The following THADA variants were observed in gnomAD, a reference collection of about 807,000 sequenced individuals.
The protein encoded by THADA is THADA armadillo repeat containing, also known as tRNA (32-2'-O)-methyltransferase regulator THADA.
Under a neutral mutation model 219.8 loss-of-function variants are expected in THADA, and 213 were observed. The observed-to-expected ratio is 0.97, with a 90% CI of 0.87 to 1.09. The LOEUF (loss-of-function observed/expected upper bound fraction) is 1.09, where lower values mean the gene tolerates loss of function less well. Ranked by LOEUF, THADA falls within the 50% of genes least tolerant of loss-of-function variation. The pLI is 0.00. For missense variants in THADA, 2,956 were observed against 2,311.3 expected (o/e 1.28, Z -5.72); for synonymous variants, 1,018 against 828.9 (o/e 1.23, Z -3.92).
intron 25 of THADA, among the ~76,000 whole-genome samples, chr2:43,490,997 T>C (rs1394722835): frequency 1.3e-5 from 2 of 152,132 alleles, no homozygotes; most frequent in Non-Finnish European, 2.9e-5. Flanking sequence ...TAGAGCAAAA[T>C]AACTGGCATG....
chr2:43,337,553 A>C (rs1045081440), intron 30 of THADA, among the ~76,000 whole-genome samples: 1 of 152,198 alleles, frequency 6.6e-6, no homozygotes, highest in African/African-American at 2.4e-5. Context: ...GAGGTCTCTC[A>C]CGCACTGTTG....
At chr2:43,460,452 C>A (rs148101693) in intron 26 of THADA, among the ~76,000 whole-genome samples, 24 of 152,100 alleles carry the variant, frequency 1.6e-4, no homozygotes, top group Admixed American at 7.2e-4. Flanking sequence ...TCTCCACTAC[C>A]AAGTTGAAAA....
At chr2:43,527,255 C>G (rs1040120667) in intron 22 of THADA, among the ~76,000 whole-genome samples, 7 of 152,240 alleles carry the variant, frequency 4.6e-5, no homozygotes, top group African/African-American at 1.7e-4. Context: ...AGAACACTTG[C>G]CATGAACACT....
intron 29 of THADA, among the ~76,000 whole-genome samples, chr2:43,387,399 G>C (rs904451710): frequency 6.6e-6 from 1 of 152,176 alleles, no homozygotes; most frequent in Non-Finnish European, 1.5e-5. Flanking sequence ...TTTTCCAGTA[G>C]AAAGACAGAA....
intron 26 of THADA, among the ~76,000 whole-genome samples, chr2:43,479,104 T>TTAAAAGTAAGTTATATTTTTTAATATA (rs1685877594): frequency 1.3e-5 from 2 of 152,170 alleles, no homozygotes; most frequent in Admixed American, 1.3e-4. Context: ...ACTAGAGCTC[T>TTAAAAGTAAGTTATATTTTTTAATATA]TAACTTACTT....
chr2:43,527,922 A>G lies in THADA; in HGVS notation c.3331T>C (p.Leu1111=), dbSNP rs770355188. ...AGTTTCACAAAACCAGTATAAGCCA[A>G]TTCAAATGCTCCTCTGTGCCTGGAC... ...LQSRHRGAFE[L]AYTGFVKLTE... Residue 1111 remains leucine (L), a synonymous_variant, in exon 22 of 38, where the codon TTG becomes CTG. Transcript: ENST00000405975. 2 of 1,613,798 alleles carry G rather than the reference A, an allele frequency of 1.2e-6. No individual in the cohort carries two copies. Among genetic ancestry groups the G allele is most frequent in the South Asian group, 1.1e-5 (1 of 91,080 alleles).
intron 25 of THADA, among the ~76,000 whole-genome samples, chr2:43,488,340 C>T (rs1193914020): frequency 6.6e-6 from 1 of 152,184 alleles, no homozygotes; most frequent in Non-Finnish European, 1.5e-5. Context: ...AGTCGTCACT[C>T]CCTATTCTCC....
intron 29 of THADA, among the ~76,000 whole-genome samples, chr2:43,354,489 A>G (rs1668660187): frequency 6.6e-6 from 1 of 151,570 alleles, no homozygotes; most frequent in Non-Finnish European, 1.5e-5. Flanking sequence ...ATATTTTTGT[A>G]CCCATTAACT....
At chr2:43,523,770 T>G (rs1226896511) in intron 22 of THADA, among the ~76,000 whole-genome samples, 1 of 152,238 alleles carries the variant, frequency 6.6e-6, no homozygotes, top group Non-Finnish European at 1.5e-5. Context: ...GCAATAAATA[T>G]CTGTAGATTA....
intron 26 of THADA, among the ~76,000 whole-genome samples, chr2:43,477,137 C>A (rs1685645070): frequency 6.6e-6 from 1 of 152,164 alleles, no homozygotes; most frequent in Non-Finnish European, 1.5e-5. Context: ...GATATATCTA[C>A]TGCTCCTAAT....
intron 26 of THADA, among the ~76,000 whole-genome samples, chr2:43,437,102 T>C (rs1680219974): frequency 6.6e-6 from 1 of 152,208 alleles, no homozygotes; most frequent in East Asian, 1.9e-4. Flanking sequence ...TAAGAGTCAT[T>C]CAATTAAAAA....
chr2:43,590,837 T>A lies in THADA; in HGVS notation c.289A>T (p.Lys97Ter). ...TTTTTTTCTTACCTTGCCAATACTTTCTTCAAGGGATTCTTTAGACTCAAA... is the reference window on the plus strand; with the variant it reads ...TTTTTTTCTTACCTTGCCAATACTTACTTCAAGGGATTCTTTAGACTCAAA... ...LSLSLKNPLK[K>*]VLASSLNSLP... Residue 97 changes from lysine to a stop codon, truncating the protein, a stop_gained, in exon 4 of 38, where the codon AAA (lysine) becomes TAA (stop). Transcript: ENST00000405975. LOFTEE classifies it high-confidence loss of function. The A allele has an allele frequency of 6.2e-7, 1 of 1,613,220 alleles. No homozygotes were observed. Among genetic ancestry groups the A allele is most frequent in the South Asian group, 1.1e-5 (1 of 90,848 alleles).
At chr2:43,541,395 T>C (rs1172290347) in intron 20 of THADA, 79 bp from the exon 21 acceptor site, 6 of 1,538,914 alleles carry the variant, frequency 3.9e-6, no homozygotes, top group Admixed American at 3.6e-5. Context: ...TATTCATAAT[T>C]TCCCCAAGAA....
At chr2:43,429,891 G>T (rs374124644) in intron 27 of THADA, among the ~76,000 whole-genome samples, 18 of 151,960 alleles carry the variant, frequency 1.2e-4, no homozygotes, top group Non-Finnish European at 4.4e-5. Flanking sequence ...CAGTCTGACC[G>T]TGCACAGTGG....
Position 43,526,664 on chromosome 2 carries a change from G to C in THADA, c.3374+1215C>G, listed in dbSNP as rs549540986. On this transcript the variant is annotated intron_variant, in intron 22 of 37. Transcript: ENST00000405975. ...CAGTCCACACACATCCACACACAGA[G>C]AGATGCTGGGTGCTGTATACAGCCA... Among the ~76,000 whole-genome samples, 10 of 152,304 alleles carry C rather than the reference G, an allele frequency of 6.6e-5. No homozygotes were observed. The East Asian group carries it at 1.5e-3, about 23-fold the overall frequency.
intron 28 of THADA, among the ~76,000 whole-genome samples, chr2:43,399,469 T>C (rs1380518185): frequency 4.6e-5 from 7 of 152,180 alleles, no homozygotes; most frequent in Admixed American, 1.3e-4. Context: ...CCAACAGAAA[T>C]ACAGATACAA....
chr2:43,564,050 G>C (rs1433792755), intron 15 of THADA: 3 of 152,134 alleles, frequency 2.0e-5, no homozygotes, highest in Admixed American at 2.0e-4. Flanking sequence ...AAAATTATAG[G>C]TACGCTTCAG....
rs866735600 is a variant in THADA at position 43,296,881 on chromosome 2, C to T, written c.4439-3668G>A. On this transcript the variant is annotated intron_variant, in intron 31 of 37. Coordinates refer to ENST00000405975, the MANE Select transcript of THADA (RefSeq NM_022065.5). ...AGCGGCTGGAGGAGCGGACGGGCCC[C>T]GCGGGGCCCGAGGGCAAGGAGCAGC... 3.7e-3 allele frequency among the ~76,000 whole-genome samples: 561 copies of T among 151,568 alleles called. 6 individuals carry two copies. Among genetic ancestry groups the T allele is most frequent in the African/African-American group, 0.013 (534 of 41,260 alleles).
Position 43,231,351 on chromosome 2 carries a change from A to G in THADA, c.5467-8T>C. On this transcript the variant is annotated splice_polypyrimidine_tract_variant and splice_region_variant and intron_variant, in intron 37 of 37. Transcript: ENST00000405975. Reference sequence around the variant, plus strand: ...CAGGTAGTCTTCTTCCACCTAAATCAGATGAAAAAGCCGAAAGTCAGTCTT... The same window carrying G: ...CAGGTAGTCTTCTTCCACCTAAATCGGATGAAAAAGCCGAAAGTCAGTCTT... The G allele has an allele frequency of 6.6e-7, 1 of 1,511,520 alleles. No individual in the cohort carries two copies. Among genetic ancestry groups the G allele is most frequent in the Non-Finnish European group, 8.8e-7 (1 of 1,131,710 alleles). The allele number at this position is 1,511,520 out of a possible 1,614,324, so 93.6% of individuals were successfully genotyped here.
Sources: gnomAD v4.1 joint callset for allele counts (sites outside exome capture counted in the v4.1 genomes callset) on GRCh38, gnomAD v4.1.1 for gene constraint, MANE v1.5 for transcripts, NCBI Gene and HGNC (gene_info 2026-07-23, HGNC 2026-07-21) for gene names.